Variants in TTLL1 observed in about 807,000 individuals in gnomAD.
The protein encoded by TTLL1 is polyglutamylase complex subunit TTLL1.
Under a neutral mutation model 47.8 loss-of-function variants are expected in TTLL1, and 33 were observed. The observed-to-expected ratio is 0.69, with a 90% CI of 0.52 to 0.92. The LOEUF is 0.92. Ranked by LOEUF, TTLL1 falls within the 40% of genes least tolerant of loss-of-function variation. The probability of loss-of-function intolerance (pLI) is 0.00; values close to 1 mark genes in which losing one functional copy is unlikely to be tolerated. For synonymous variants in TTLL1, 225 were observed against 214.1 expected, an observed-to-expected ratio of 1.05 and a Z score of -0.45; for missense variants, 488 against 547.5, an observed-to-expected ratio of 0.89 and a Z score of 1.08.
At position 43,059,366 on chromosome 22, in the gene TTLL1, C is replaced by A. The variant is rs922008090; in HGVS notation, c.891+18G>T. On this transcript the variant is annotated intron_variant, in intron 8 of 10. Coordinates refer to ENST00000266254, the MANE Select transcript of TTLL1 (RefSeq NM_012263.5). ...AACGGGCCCTGGGAGCCGGCTCCCC[C>A]GCCCGCACCAAACTCACCGCCACAG... The A allele has an allele frequency of 5.6e-6, 9 of 1,600,508 alleles. No individual in the cohort carries two copies. The highest frequency in any genetic ancestry group is 7.7e-6 in the Non-Finnish European group (9 of 1,173,260).
At chr22:43,074,403 G>T (rs1236050873) in intron 3 of TTLL1, among the ~76,000 whole-genome samples, 1 of 146,676 alleles carries the variant, frequency 6.8e-6, no homozygotes, top group Non-Finnish European at 1.5e-5. Context: ...CTCCAGTCTG[G>T]GTGACAGGAG....
At chr22:43,077,030 G>A (rs961309106) in intron 2 of TTLL1, among the ~76,000 whole-genome samples, 2 of 152,066 alleles carry the variant, frequency 1.3e-5, no homozygotes, top group Admixed American at 6.6e-5. Context: ...GAACCCGGGA[G>A]GCGGAGATTG....
At chr22:43,062,262 G>A (rs547938355) in intron 7 of TTLL1, among the ~76,000 whole-genome samples, 7 of 152,208 alleles carry the variant, frequency 4.6e-5, no homozygotes, top group African/African-American at 9.7e-5. Context: ...GGAGGCCGAG[G>A]AGGGTGGATC....
At chr22:43,050,769 C>T (rs1455431302) in intron 9 of TTLL1, among the ~76,000 whole-genome samples, 2 of 152,154 alleles carry the variant, frequency 1.3e-5, no homozygotes, top group East Asian at 1.9e-4. Flanking sequence ...GTGATCCACC[C>T]GCCTTGGCTT....
intron 1 of TTLL1, among the ~76,000 whole-genome samples, chr22:43,088,223 T>C (rs1472184442): frequency 6.6e-6 from 1 of 151,556 alleles, no homozygotes; most frequent in Non-Finnish European, 1.5e-5. Context: ...TTCACAGCGG[T>C]ATTGTCACTG....
At chr22:43,040,109 A>C in intron 10 of TTLL1, 2 of 580,924 alleles carry the variant, frequency 3.4e-6, no homozygotes, top group Non-Finnish European at 3.0e-6. Context: ...AGCCCAGCAA[A>C]TGCTCCCCAA....
chr22:43,076,491 C>G (rs1482643573), intron 2 of TTLL1, among the ~76,000 whole-genome samples: 1 of 151,540 alleles, frequency 6.6e-6, no homozygotes, highest in East Asian at 1.9e-4. Context: ...GTGGCTCACG[C>G]CTGTAATCCC....
At chr22:43,076,275 G>C (rs569937411) in intron 2 of TTLL1, among the ~76,000 whole-genome samples, 2 of 152,038 alleles carry the variant, frequency 1.3e-5, no homozygotes, top group African/African-American at 2.4e-5. Flanking sequence ...GGCCAATGTG[G>C]TGAAACCCCA....
Position 43,051,306 on chromosome 22 carries a change from C to T in TTLL1, c.978+495G>A, listed in dbSNP as rs552165685. ...GAGGCAGTGCTAAACAGATAGCCAA[C>T]ACGACATCCTCTCCACCCACTGAAA... On this transcript the variant is annotated intron_variant, in intron 9 of 10. Transcript: ENST00000266254. 4.7e-4 allele frequency among the ~76,000 whole-genome samples: 72 copies of T among 152,372 alleles called. 1 individual carries two copies. Among genetic ancestry groups the T allele is most frequent in the Admixed American group, 1.0e-3 (16 of 15,298 alleles).
intron 7 of TTLL1, among the ~76,000 whole-genome samples, chr22:43,060,477 C>T (rs1927322544): frequency 1.4e-5 from 2 of 143,302 alleles, no homozygotes; most frequent in South Asian, 4.5e-4. Flanking sequence ...CAGAGTCTTT[C>T]CTGGGGAAGC....
Position 43,075,480 on chromosome 22 carries a change from A to C in TTLL1, c.107T>G (p.Phe36Cys). The C allele has an allele frequency of 6.2e-7, 1 of 1,614,078 alleles. No individual in the cohort carries two copies. The highest frequency in any genetic ancestry group is 8.5e-7 in the Non-Finnish European group (1 of 1,179,946). ...CCCTGCTGTGTATGCTTACCAGTAAAAATTCCAGTCCTCGTTTTCTGTCAC... is the reference window on the plus strand; with the variant it reads ...CCCTGCTGTGTATGCTTACCAGTAACAATTCCAGTCCTCGTTTTCTGTCAC... Reference protein sequence around the residue: ...VQVTENEDWNFYWMSVQTIRN... With the variant: ...VQVTENEDWNCYWMSVQTIRN... The change falls in exon 3 of 11, where the codon TTT (phenylalanine) becomes TGT (cysteine). Residue 36 changes from phenylalanine to cysteine, a missense_variant. Physicochemically the swap from Phe to Cys is radical, Grantham distance 205. Transcript: ENST00000266254.
chr22:43,059,670 C>T, intron 7 of TTLL1, 143 bp from the exon 8 acceptor site: 1 of 1,050,128 alleles, frequency 9.5e-7, no homozygotes, highest in Non-Finnish European at 1.3e-6. Context: ...GACCCCTGCC[C>T]CAGGGAGATC....
intron 3 of TTLL1, among the ~76,000 whole-genome samples, chr22:43,073,367 T>A (rs867622504): frequency 7.1e-5 from 10 of 141,376 alleles, no homozygotes; most frequent in African/African-American, 2.4e-4. Flanking sequence ...TTATTTATTT[T>A]ATTTTTTGAG....
intron 3 of TTLL1, 35 bp from the exon 4 acceptor site, chr22:43,069,879 G>C (rs200316259): frequency 2.6e-5 from 42 of 1,610,784 alleles, no homozygotes; most frequent in East Asian, 4.5e-5. Context: ...ACTTGGCAGT[G>C]ATGTCTGTGT....
intron 1 of TTLL1, among the ~76,000 whole-genome samples, chr22:43,080,623 C>T (rs1478131472): frequency 1.2e-4 from 18 of 152,098 alleles, no homozygotes; most frequent in African/African-American, 4.3e-4. Flanking sequence ...AGCCTGTGTG[C>T]ACCCTGTGCC....
In TTLL1 at chr22:43,051,843, G is replaced by T. The variant is rs749301517; in HGVS notation, c.936C>A (p.Tyr312Ter). Residue 312 changes from tyrosine to a stop codon, truncating the protein, a stop_gained, in exon 9 of 11, where the codon TAC (tyrosine) becomes TAA (stop). Coordinates refer to ENST00000266254, the MANE Select transcript of TTLL1 (RefSeq NM_012263.5). LOFTEE classifies it high-confidence loss of function. Reference protein sequence around the residue: ...NDKHCFECYGYDIIIDDKLKP... With the variant: ...NDKHCFECYG ...TCAGCTTGTCGTCGATGATGATGTCGTAGCCATAGCATTCAAAGCAGTGCT... is the reference window on the plus strand; with the variant it reads ...TCAGCTTGTCGTCGATGATGATGTCTTAGCCATAGCATTCAAAGCAGTGCT... The T allele has an allele frequency of 6.2e-7, 1 of 1,613,894 alleles. No homozygotes were observed. Among genetic ancestry groups the T allele is most frequent in the Non-Finnish European group, 8.5e-7 (1 of 1,180,018 alleles).
intron 9 of TTLL1, among the ~76,000 whole-genome samples, chr22:43,049,791 G>T (rs1208565705): frequency 7.0e-6 from 1 of 143,218 alleles, no homozygotes; most frequent in Non-Finnish European, 1.5e-5. Flanking sequence ...AAAAAGAAAA[G>T]AAAAAAAAAA....
Position 43,064,285 on chromosome 22 carries a change from A to G in TTLL1, c.543T>C (p.Ser181=). The change falls in exon 6 of 11, where the codon TCT becomes TCC. Residue 181 remains serine, a synonymous_variant. Transcript: ENST00000266254. ...TTAGTAACGGGTTGTTAATATAGAG[A>G]GAGATCACGTAGGCTTCCTTATTAG... ...SQSNKEAYVI[S]LYINNPLLIG... is the part of the protein sequence containing the mutation. 6.2e-7 allele frequency: 1 copy of G among 1,614,106 alleles called. No individual in the cohort carries two copies. The highest frequency in any genetic ancestry group is 1.1e-5 in the South Asian group (1 of 91,038).
intron 6 of TTLL1, 77 bp downstream of exon 6, chr22:43,064,113 T>C: frequency 6.4e-7 from 1 of 1,571,872 alleles, no homozygotes; most frequent in Non-Finnish European, 8.6e-7. Context: ...TTATGAAACC[T>C]CACAATGGTG....
Sources: gnomAD v4.1 joint callset for allele counts (sites outside exome capture counted in the v4.1 genomes callset) on GRCh38, gnomAD v4.1.1 for gene constraint, MANE v1.5 for transcripts, NCBI Gene and HGNC (gene_info 2026-07-23, HGNC 2026-07-21) for gene names.